NHSL2: variants seen among roughly 807,000 people sequenced by gnomAD.
NHSL2 encodes NHS-like protein 2.
In NHSL2, 27 loss-of-function variants were observed where a neutral mutation model predicts 53.4. The ratio of observed to expected loss-of-function variants is 0.51; its 90% CI spans 0.37 to 0.70. NHSL2 has a LOEUF of 0.70. Among genes scored for constraint, NHSL2 ranks in the 30% least tolerant of loss-of-function variants. The pLI, the probability that NHSL2 is intolerant of heterozygous loss-of-function variation, is 0.00. For missense variants in NHSL2, 892 were observed against 980.1 expected, an observed-to-expected ratio of 0.91 and a Z score of 1.20; for synonymous variants, 408 against 404.1, an observed-to-expected ratio of 1.01 and a Z score of -0.12.
chrX:72,076,537 G>A (rs1033229560), intron 1 of NHSL2, among the ~76,000 whole-genome samples: 3 of 111,815 alleles, frequency 2.7e-5, no homozygotes, highest in African/African-American at 9.8e-5. Context: ...ATGACCTCTG[G>A]GATTTCCTCA....
At position 71,911,307 on chromosome X, in the gene NHSL2, C is replaced by A. The variant is rs946275942; in HGVS notation, c.220C>A (p.Arg74Ser). Residue 74 changes from arginine (R) to serine (S), a missense_variant, in exon 1 of 8, where the codon CGC becomes AGC. Arg to Ser is a moderately radical substitution (Grantham distance 110, BLOSUM62 -1). Transcript: ENST00000633930. ...RTDSLYRRTV[R>S]LRRRLPCRLL... ...AGACAGCCTGTACCGGCGCACCGTG[C>A]GCCTCCGCCGCCGCCTTCCCTGCCG... is the stretch of plus-strand genomic sequence containing the variant. 2.0e-5 allele frequency: 23 copies of A among 1,126,728 alleles called. No homozygotes were observed. Among genetic ancestry groups the A allele is most frequent in the Non-Finnish European group, 2.7e-5 (23 of 856,650 alleles). 92.9% of individuals were successfully genotyped at this position (1,126,728 alleles called of 1,213,427 possible). A position where few individuals can be genotyped will look rare whatever the true frequency, so the allele number is the denominator to read the frequency against.
rs55912050 is a variant in NHSL2, at chrX:72,144,704, GCACACACA to G, written c.*1165_*1172del. ...CTTGCCAGTTGCTATGGCCCATAAT[GCACACACA>G]CACACACACACACACACACACACAC... On this transcript the variant is annotated 3_prime_UTR_variant, in exon 8 of 8. Transcript: ENST00000633930. 0.051 allele frequency: 7,777 copies of G among 153,413 alleles called. 119 individuals carry two copies. The highest frequency in any genetic ancestry group is 0.092 in the African/African-American group (2,514 of 27,394). 12.6% of individuals were successfully genotyped at this position (153,413 alleles called of 1,213,427 possible).
At chrX:72,003,420 T>C (rs2042080501) in intron 1 of NHSL2, among the ~76,000 whole-genome samples, 1 of 111,769 alleles carries the variant, frequency 8.9e-6, no homozygotes, top group South Asian at 3.8e-4. Context: ...GCCACTAGGT[T>C]ACTCCAGGTT....
At chrX:71,984,788 C>T (rs2147870860) in intron 1 of NHSL2, among the ~76,000 whole-genome samples, 1 of 108,468 alleles carries the variant, frequency 9.2e-6, no homozygotes, top group Admixed American at 1.0e-4. Flanking sequence ...TCACATAAGC[C>T]CTTTTTAAAT....
At chrX:72,039,249 T>G (rs1443285790) in intron 1 of NHSL2, among the ~76,000 whole-genome samples, 1 of 110,473 alleles carries the variant, frequency 9.1e-6, no homozygotes, top group East Asian at 2.8e-4. Context: ...AACCTGAATT[T>G]GCGGCTTGTG....
At position 72,145,832 on chromosome X, in the gene NHSL2, C is replaced by A. The variant is rs2042459836; in HGVS notation, c.*2258C>A. The A allele has an allele frequency of 8.9e-6, 1 of 112,211 alleles. No individual in the cohort carries two copies. Among genetic ancestry groups the A allele is most frequent in the African/African-American group, 3.2e-5 (1 of 30,823 alleles). The allele number at this position is 112,211 out of a possible 1,213,427, so 9.2% of individuals were successfully genotyped here. A position where few individuals can be genotyped will look rare whatever the true frequency, so the allele number is the denominator to read the frequency against. ...TTTGCCTCTCCCCTCACCTTGCTAC[C>A]TCTGGAGGTTTTCCCAAAAGATTCT... On this transcript the variant is annotated 3_prime_UTR_variant, in exon 8 of 8. Transcript: ENST00000633930.
At chrX:72,020,600 T>C (rs1239189257) in intron 1 of NHSL2, among the ~76,000 whole-genome samples, 1 of 112,256 alleles carries the variant, frequency 8.9e-6, no homozygotes, top group Non-Finnish European at 1.9e-5. Context: ...CTGAGCAGCT[T>C]TCTAGGGAGG....
At chrX:72,063,391 A>G (rs1248296518) in intron 1 of NHSL2, among the ~76,000 whole-genome samples, 3 of 111,894 alleles carry the variant, frequency 2.7e-5, no homozygotes, top group Non-Finnish European at 5.6e-5. Context: ...TAAACTTTGT[A>G]TGGGCAATTA....
intron 1 of NHSL2, among the ~76,000 whole-genome samples, chrX:71,997,535 A>C (rs1191464432): frequency 1.8e-5 from 2 of 112,178 alleles, no homozygotes; most frequent in Non-Finnish European, 3.8e-5. Context: ...GAAGTCTTTG[A>C]AAGTTTGCCA....
chrX:72,093,149 A>T (rs1569479383), intron 1 of NHSL2, among the ~76,000 whole-genome samples: 1 of 112,678 alleles, frequency 8.9e-6, no homozygotes, highest in Non-Finnish European at 1.9e-5. Flanking sequence ...AGGTACCACA[A>T]ATATGTCTAC....
At chrX:71,917,316 C>T (rs1483947072) in intron 1 of NHSL2, among the ~76,000 whole-genome samples, 1 of 98,382 alleles carries the variant, frequency 1.0e-5, no homozygotes, top group African/African-American at 3.7e-5. Flanking sequence ...TCCTCCCTCC[C>T]TCTCTTTCTA....
chrX:71,995,775 T>G (rs908299982), intron 1 of NHSL2, among the ~76,000 whole-genome samples: 2 of 112,716 alleles, frequency 1.8e-5, no homozygotes, highest in African/African-American at 6.5e-5. Flanking sequence ...TTTACTCATT[T>G]GTTTTATTCA....
At chrX:72,042,391 C>T (rs1029793907) in intron 1 of NHSL2, among the ~76,000 whole-genome samples, 2 of 112,078 alleles carry the variant, frequency 1.8e-5, no homozygotes, top group African/African-American at 6.5e-5. Flanking sequence ...GATTGGCAGT[C>T]CCAGTTCACC....
At chrX:71,934,258 C>T (rs1213163814) in intron 1 of NHSL2, among the ~76,000 whole-genome samples, 2 of 112,241 alleles carry the variant, frequency 1.8e-5, no homozygotes, top group Non-Finnish European at 3.8e-5. Context: ...GTTAATTGCA[C>T]ACTCTGAACA....
chrX:71,957,913 G>A (rs1381418465), intron 1 of NHSL2, among the ~76,000 whole-genome samples: 1 of 111,927 alleles, frequency 8.9e-6, no homozygotes, highest in Non-Finnish European at 1.9e-5. Flanking sequence ...ACGACAGAAT[G>A]TGATAAATGC....
At chrX:71,911,394 G>A (rs1301169320) in intron 1 of NHSL2, 27 bp downstream of exon 1, 41 of 1,037,499 alleles carry the variant, frequency 4.0e-5, no homozygotes, top group Non-Finnish European at 4.9e-5. Flanking sequence ...GGTGGCTCGC[G>A]GCCCCGCGTC....
intron 1 of NHSL2, among the ~76,000 whole-genome samples, chrX:72,081,845 G>A (rs892150530): frequency 2.7e-5 from 3 of 112,414 alleles, no homozygotes; most frequent in Non-Finnish European, 3.8e-5. Flanking sequence ...TTAACCTTCC[G>A]TCCTGTAGCT....
At chrX:71,985,996 C>T (rs987103961) in intron 1 of NHSL2, among the ~76,000 whole-genome samples, 1 of 111,884 alleles carries the variant, frequency 8.9e-6, no homozygotes, top group Non-Finnish European at 1.9e-5. Context: ...ACCTCTACGG[C>T]ACACAATGAT....
chrX:72,038,557 T>C (rs1427995415), intron 1 of NHSL2, among the ~76,000 whole-genome samples: 1 of 112,265 alleles, frequency 8.9e-6, no homozygotes, highest in East Asian at 2.8e-4. Context: ...CATGCATGTA[T>C]TTATATTTTA....
Sources: gnomAD v4.1 joint callset for allele counts (sites outside exome capture counted in the v4.1 genomes callset) on GRCh38, gnomAD v4.1.1 for gene constraint, MANE v1.5 for transcripts, NCBI Gene and HGNC (gene_info 2026-07-23, HGNC 2026-07-21) for gene names.